Variants in ABLIM1 observed in about 807,000 individuals in gnomAD.
The protein encoded by ABLIM1 is actin binding LIM protein 1.
A neutral mutation model predicts 107.0 loss-of-function variants in ABLIM1; 40 were observed. The observed-to-expected ratio is 0.37, with a 90% CI of 0.29 to 0.49. The LOEUF (loss-of-function observed/expected upper bound fraction) is 0.49. Ranked by LOEUF, ABLIM1 falls within the 20% of genes least tolerant of loss-of-function variation. The pLI, the probability that ABLIM1 is intolerant of heterozygous loss-of-function variation, is 0.97. For missense variants in ABLIM1, 857 were observed against 1,008.5 expected (o/e 0.85, Z 2.04); for synonymous variants, 357 against 357.3 (o/e 1.00, Z 0.01).
upstream of ABLIM1, among the ~76,000 whole-genome samples, chr10:114,768,828 G>A (rs953975677): frequency 2.6e-5 from 4 of 152,128 alleles, no homozygotes; most frequent in African/African-American, 9.7e-5. Context: ...GGGCCGGGCT[G>A]GTGACCACTC....
chr10:114,757,309 A>C (rs1037233399), intron 1 of ABLIM1, among the ~76,000 whole-genome samples: 1 of 152,198 alleles, frequency 6.6e-6, no homozygotes, highest in African/African-American at 2.4e-5. Flanking sequence ...TCAACCACTT[A>C]TTAGCTAGAT....
At chr10:114,588,187 T>C (rs2074401761) in intron 2 of ABLIM1, among the ~76,000 whole-genome samples, 1 of 152,176 alleles carries the variant, frequency 6.6e-6, no homozygotes, top group South Asian at 2.1e-4. Context: ...AGAAAAATTG[T>C]ACGATAGGGA....
intron 2 of ABLIM1, among the ~76,000 whole-genome samples, chr10:114,575,910 T>C (rs1415764391): frequency 2.6e-5 from 4 of 152,154 alleles, no homozygotes; most frequent in Middle Eastern, 3.2e-3. Context: ...TGAGCAAAGG[T>C]GTCCCTGGCA....
chr10:114,678,812 T>C (rs1447519929), intron 1 of ABLIM1, among the ~76,000 whole-genome samples: 1 of 152,240 alleles, frequency 6.6e-6, no homozygotes, highest in South Asian at 2.1e-4. Flanking sequence ...ATTGTCTTTT[T>C]ATTTTCTTTT....
intron 1 of ABLIM1, among the ~76,000 whole-genome samples, chr10:114,758,847 G>C (rs576391057): frequency 3.9e-5 from 6 of 152,114 alleles, no homozygotes; most frequent in Non-Finnish European, 1.5e-5. Context: ...CACAGGTAAA[G>C]TTTCTTCATT....
At chr10:114,679,254 A>C (rs1448836967) in intron 1 of ABLIM1, among the ~76,000 whole-genome samples, 1 of 152,132 alleles carries the variant, frequency 6.6e-6, no homozygotes, top group East Asian at 1.9e-4. Flanking sequence ...TTTACAGAAA[A>C]AGTGTGCTGC....
chr10:114,442,677 G>A (rs531222798), intron 17 of ABLIM1, among the ~76,000 whole-genome samples: 4 of 94,566 alleles, frequency 4.2e-5, no homozygotes, highest in East Asian at 6.1e-4. Context: ...AGTTATTGGC[G>A]TATCACGCTG....
intron 1 of ABLIM1, among the ~76,000 whole-genome samples, chr10:114,763,385 G>T (rs2082797598): frequency 6.8e-6 from 1 of 146,694 alleles, no homozygotes; most frequent in African/African-American, 2.5e-5. Flanking sequence ...ACATAGTTTT[G>T]TTGTATTAAT....
chr10:114,663,906 G>A (rs1404425281), intron 1 of ABLIM1, among the ~76,000 whole-genome samples: 2 of 152,188 alleles, frequency 1.3e-5, no homozygotes, highest in Non-Finnish European at 2.9e-5. Flanking sequence ...CCCCACCGTG[G>A]CTCTCCCAGG....
At chr10:114,550,400 C>T (rs2497723) in intron 4 of ABLIM1, among the ~76,000 whole-genome samples, 118,167 of 151,620 alleles carry the variant, frequency 0.78, 46,695 homozygotes, top group African/African-American at 0.93. Flanking sequence ...AAAAAGACTA[C>T]TTTTAGAGCA....
At chr10:114,571,887 CT>C (rs1054271255) in intron 3 of ABLIM1, among the ~76,000 whole-genome samples, 2 of 152,204 alleles carry the variant, frequency 1.3e-5, no homozygotes, top group Non-Finnish European at 2.9e-5. Context: ...CAGGATTAGA[CT>C]TTGTGCTGGA....
intron 4 of ABLIM1, among the ~76,000 whole-genome samples, chr10:114,561,215 T>C (rs2138305335): frequency 6.6e-6 from 1 of 152,258 alleles, no homozygotes; most frequent in East Asian, 1.9e-4. Context: ...CATACTTGAG[T>C]TCTACGTCAG....
intron 1 of ABLIM1, among the ~76,000 whole-genome samples, chr10:114,715,783 T>TA (rs914549860): frequency 6.6e-6 from 1 of 151,720 alleles, no homozygotes; most frequent in South Asian, 2.1e-4. Flanking sequence ...TACATATATC[T>TA]AAAAAAAAAT....
intron 1 of ABLIM1, among the ~76,000 whole-genome samples, chr10:114,683,489 A>G (rs1419475589): frequency 6.6e-6 from 1 of 152,164 alleles, no homozygotes; most frequent in Non-Finnish European, 1.5e-5. Context: ...GAAGTGTAGC[A>G]GACCCGGCTC....
chr10:114,468,309 C>G lies in ABLIM1; in HGVS notation c.1276-93G>C, dbSNP rs1590035103. 5 of 1,260,390 alleles carry G rather than the reference C, an allele frequency of 4.0e-6. No individual in the cohort carries two copies. The East Asian group carries it at 9.5e-5, about 24-fold the overall frequency. The allele number at this position is 1,260,390 out of a possible 1,614,324, so 78.1% of individuals were successfully genotyped here. On this transcript the variant is annotated intron_variant, in intron 10 of 22. Coordinates refer to ENST00000533213, the MANE Select transcript of ABLIM1 (RefSeq NM_002313.7). ...TGTTTGTTTGAGATGGAGTCTCGCTCTGTCGCCCAGGCTGGAGTGCAGTGG... is the reference window on the plus strand; with the variant it reads ...TGTTTGTTTGAGATGGAGTCTCGCTGTGTCGCCCAGGCTGGAGTGCAGTGG...
At chr10:114,452,223 G>A (rs1423312466) in intron 13 of ABLIM1, among the ~76,000 whole-genome samples, 1 of 151,968 alleles carries the variant, frequency 6.6e-6, no homozygotes, top group African/African-American at 2.4e-5. Flanking sequence ...ATTTATACAG[G>A]CCAAATTTTT....
At chr10:114,536,244 T>G (rs1262904501) in intron 6 of ABLIM1, among the ~76,000 whole-genome samples, 1 of 75,364 alleles carries the variant, frequency 1.3e-5, no homozygotes, top group East Asian at 4.8e-4. Flanking sequence ...TTTTTTTTTT[T>G]TTTTTTTTTT....
intron 1 of ABLIM1, among the ~76,000 whole-genome samples, chr10:114,704,026 G>T (rs2081356477): frequency 6.6e-6 from 1 of 152,060 alleles, no homozygotes. Flanking sequence ...GCCCAGGAGT[G>T]CCAGAAATAA....
intron 4 of ABLIM1, among the ~76,000 whole-genome samples, chr10:114,557,934 C>T (rs759410856): frequency 1.1e-4 from 16 of 151,412 alleles, no homozygotes; most frequent in Non-Finnish European, 2.4e-4. Context: ...TGCTTCCTTA[C>T]CCCCTCCTTA....
Sources: gnomAD v4.1 joint callset for allele counts (sites outside exome capture counted in the v4.1 genomes callset) on GRCh38, gnomAD v4.1.1 for gene constraint, MANE v1.5 for transcripts, NCBI Gene and HGNC (gene_info 2026-07-23, HGNC 2026-07-21) for gene names.